FAM171A1: variants seen among roughly 807,000 people sequenced by gnomAD.
FAM171A1 encodes protein FAM171A1.
FAM171A1 carries 23 observed loss-of-function variants against 74.9 expected under a neutral mutation model. The ratio of observed to expected loss-of-function variants is 0.31; its 90% confidence interval spans 0.22 to 0.44. The LOEUF (loss-of-function observed/expected upper bound fraction) is 0.44. Ranked by LOEUF, FAM171A1 falls within the 20% of genes least tolerant of loss-of-function variation. The pLI is 1.00. For missense variants in FAM171A1, 1,162 were observed against 1,159.2 expected (o/e 1.00, Z -0.03); for synonymous variants, 527 against 505.7 (o/e 1.04, Z -0.57).
At chr10:15,231,850 C>T (rs1157202819) in intron 5 of FAM171A1, among the ~76,000 whole-genome samples, 1 of 152,064 alleles carries the variant, frequency 6.6e-6, no homozygotes, top group African/African-American at 2.4e-5. Flanking sequence ...TTTGGGAAGC[C>T]TAGGTGGAAG....
At chr10:15,257,483 C>T (rs547143671) in intron 3 of FAM171A1, among the ~76,000 whole-genome samples, 3 of 152,282 alleles carry the variant, frequency 2.0e-5, no homozygotes, top group South Asian at 2.1e-4. Context: ...CGTGCCTTCT[C>T]GAGCAGATCA....
chr10:15,261,202 G>A (rs1834652420), intron 3 of FAM171A1, among the ~76,000 whole-genome samples: 1 of 152,222 alleles, frequency 6.6e-6, no homozygotes, highest in Non-Finnish European at 1.5e-5. Flanking sequence ...TTCAGAAGAT[G>A]AAGTTTAAAC....
chr10:15,310,471 C>T (rs886909826), intron 1 of FAM171A1, among the ~76,000 whole-genome samples: 1 of 152,166 alleles, frequency 6.6e-6, no homozygotes, highest in African/African-American at 2.4e-5. Flanking sequence ...CCGTGACCAA[C>T]CTGGCCCCTC....
chr10:15,343,078 T>C (rs1222443104), intron 1 of FAM171A1, among the ~76,000 whole-genome samples: 1 of 152,326 alleles, frequency 6.6e-6, no homozygotes, highest in Non-Finnish European at 1.5e-5. Flanking sequence ...AGACCTGATA[T>C]AATTACCTGT....
chr10:15,281,460 A>G (rs897373696), intron 2 of FAM171A1, among the ~76,000 whole-genome samples: 5 of 152,182 alleles, frequency 3.3e-5, no homozygotes, highest in African/African-American at 1.2e-4. Context: ...ATGGGCCGAT[A>G]TGTGTGGGGC....
chr10:15,212,856 T>G lies in FAM171A1; in HGVS notation c.*59A>C. The stretch of plus-strand genomic sequence containing the variant: ...TTTCCTCCACGAACGGGTACGCGCT[T>G]CCATGAGAAAGGATATTTGGCAATT... On this transcript the variant is annotated 3_prime_UTR_variant, in exon 8 of 8. Coordinates refer to ENST00000378116, the MANE Select transcript of FAM171A1 (RefSeq NM_001010924.2). 6.3e-7 allele frequency: 1 copy of G among 1,595,690 alleles called. No individual in the cohort carries two copies. Among genetic ancestry groups the G allele is most frequent in the Non-Finnish European group, 8.5e-7 (1 of 1,173,150 alleles).
intron 1 of FAM171A1, among the ~76,000 whole-genome samples, chr10:15,284,795 C>T (rs1835015809): frequency 6.6e-6 from 1 of 152,152 alleles, no homozygotes; most frequent in African/African-American, 2.4e-5. Context: ...CCGTATCCTT[C>T]TCTAGTCCTG....
intron 1 of FAM171A1, among the ~76,000 whole-genome samples, chr10:15,299,462 G>A (rs1835201929): frequency 6.6e-6 from 1 of 151,570 alleles, no homozygotes; most frequent in Non-Finnish European, 1.5e-5. Context: ...TTTATCTATA[G>A]ATATGCATTT....
At chr10:15,267,204 G>A (rs1834756105) in intron 3 of FAM171A1, among the ~76,000 whole-genome samples, 2 of 152,242 alleles carry the variant, frequency 1.3e-5, no homozygotes, top group Admixed American at 1.3e-4. Context: ...TGGCAATGCT[G>A]TGGGCACGCA....
intron 1 of FAM171A1, among the ~76,000 whole-genome samples, chr10:15,347,985 T>A (rs997128829): frequency 2.0e-5 from 3 of 152,150 alleles, no homozygotes; most frequent in Admixed American, 2.0e-4. Context: ...GACATTTTCT[T>A]TCTTTCTTTT....
At chr10:15,284,524 C>A (rs930899778) in intron 1 of FAM171A1, among the ~76,000 whole-genome samples, 1 of 152,074 alleles carries the variant, frequency 6.6e-6, no homozygotes, top group African/African-American at 2.4e-5. Context: ...CTGGGCTCAA[C>A]TGATCCTCCC....
chr10:15,342,657 T>G (rs1490508232), intron 1 of FAM171A1, among the ~76,000 whole-genome samples: 3 of 152,094 alleles, frequency 2.0e-5, no homozygotes, highest in African/African-American at 7.2e-5. Context: ...TGGATTCAAT[T>G]TCACATGCAT....
At chr10:15,330,152 G>A (rs1835610562) in intron 1 of FAM171A1, among the ~76,000 whole-genome samples, 1 of 152,014 alleles carries the variant, frequency 6.6e-6, no homozygotes, top group Non-Finnish European at 1.5e-5. Flanking sequence ...GATCAGCCTG[G>A]CCTACATAGT....
At chr10:15,235,246 G>A (rs911486188) in intron 5 of FAM171A1, among the ~76,000 whole-genome samples, 2 of 146,712 alleles carry the variant, frequency 1.4e-5, no homozygotes, top group Admixed American at 7.0e-5. Context: ...AGGTTGCAGT[G>A]GGCCGAGATT....
chr10:15,236,506 G>C (rs992498161), intron 5 of FAM171A1, among the ~76,000 whole-genome samples: 2 of 151,760 alleles, frequency 1.3e-5, no homozygotes, highest in African/African-American at 2.4e-5. Flanking sequence ...ACTTGCTCAA[G>C]ACCACACAAC....
Position 15,212,933 on chromosome 10 carries a change from C to A in FAM171A1, c.2655G>T (p.Met885Ile). The A allele has an allele frequency of 6.2e-7, 1 of 1,614,080 alleles. No homozygotes were observed. The highest frequency in any genetic ancestry group is 8.5e-7 in the Non-Finnish European group (1 of 1,180,018). ...PWQKREERPLMAFNIK is the reference protein window; with the variant it reads ...PWQKREERPLIAFNIK ...CGATAGCTCATTTAATGTTAAACGC[C>A]ATCAGGGGCCTCTCCTCCCGTTTCT... Residue 885 changes from methionine to isoleucine, a missense_variant, in exon 8 of 8, where the codon ATG (methionine) becomes ATT (isoleucine). Transcript: ENST00000378116.
At chr10:15,290,833 G>A (rs1835093685) in intron 1 of FAM171A1, among the ~76,000 whole-genome samples, 1 of 152,148 alleles carries the variant, frequency 6.6e-6, no homozygotes, top group Non-Finnish European at 1.5e-5. Flanking sequence ...AACTCCCACG[G>A]AGAGAGCTTT....
intron 1 of FAM171A1, among the ~76,000 whole-genome samples, chr10:15,358,360 A>G (rs1262067333): frequency 1.3e-5 from 2 of 152,234 alleles, no homozygotes; most frequent in Non-Finnish European, 2.9e-5. Context: ...CACTTATTTC[A>G]GAGCAAAGAA....
At chr10:15,214,939 T>C (rs1833949113) in intron 7 of FAM171A1, among the ~76,000 whole-genome samples, 1 of 152,078 alleles carries the variant, frequency 6.6e-6, no homozygotes, top group Admixed American at 6.5e-5. Context: ...TTTTGACTTT[T>C]AGTTTTTTTG....
Sources: gnomAD v4.1 joint callset for allele counts (sites outside exome capture counted in the v4.1 genomes callset) on GRCh38, gnomAD v4.1.1 for gene constraint, MANE v1.5 for transcripts, NCBI Gene and HGNC (gene_info 2026-07-23, HGNC 2026-07-21) for gene names.